The following ENTREP2 variants were observed in gnomAD, a reference collection of about 807,000 sequenced individuals.
ENTREP2 encodes the protein endosomal transmembrane epsin interactor 2.
chr15:29,126,394 G>A, the ENTREP2 span: 14 of 1,547,468 alleles, frequency 9.0e-6, no homozygotes, highest in Middle Eastern at 9.1e-4. Flanking sequence ...GGGCAGGTTC[G>A]GAGGGTGCTG....
At chr15:29,359,140 T>C in the ENTREP2 span, among the ~76,000 whole-genome samples, 1 of 152,144 alleles carries the variant, frequency 6.6e-6, no homozygotes, top group African/African-American at 2.4e-5. Context: ...GCAGTGAATA[T>C]GAACATGAAT....
the ENTREP2 span, among the ~76,000 whole-genome samples, chr15:29,245,360 C>T: frequency 4.0e-5 from 6 of 151,788 alleles, no homozygotes; most frequent in South Asian, 4.2e-4. Flanking sequence ...AAATAAAACC[C>T]GAAAATACTG....
chr15:29,489,744 A>T, the ENTREP2 span, among the ~76,000 whole-genome samples: 2 of 152,184 alleles, frequency 1.3e-5, no homozygotes, highest in Non-Finnish European at 2.9e-5. Context: ...CTCTAGGTGA[A>T]CACGCCCCTG....
chr15:29,216,703 TTCC>T, the ENTREP2 span, among the ~76,000 whole-genome samples: 4 of 152,222 alleles, frequency 2.6e-5, no homozygotes, highest in African/African-American at 4.8e-5. Context: ...AGCTTTCTTC[TTCC>T]TATTGACTCA....
chr15:29,364,537 G>A, the ENTREP2 span, among the ~76,000 whole-genome samples: 4 of 152,258 alleles, frequency 2.6e-5, no homozygotes, highest in East Asian at 3.9e-4. Flanking sequence ...GCTCTCTTGC[G>A]GTAAAACGCT....
the ENTREP2 span, among the ~76,000 whole-genome samples, chr15:29,320,224 A>C: frequency 6.6e-6 from 1 of 152,150 alleles, no homozygotes; most frequent in Non-Finnish European, 1.5e-5. Context: ...TTCCCACCAC[A>C]GCAACAGGGC....
chr15:29,507,154 C>T, the ENTREP2 span, among the ~76,000 whole-genome samples: 8 of 152,178 alleles, frequency 5.3e-5, no homozygotes, highest in African/African-American at 1.9e-4. Context: ...TCAAAAAAGA[C>T]AAACAAGAGG....
the ENTREP2 span, among the ~76,000 whole-genome samples, chr15:29,119,119 AGACG>A: frequency 6.6e-6 from 1 of 152,178 alleles, no homozygotes; most frequent in East Asian, 1.9e-4. Context: ...CATATAAAAG[AGACG>A]GCCTTTCAAG....
At chr15:29,327,768 T>C in the ENTREP2 span, among the ~76,000 whole-genome samples, 1 of 152,132 alleles carries the variant, frequency 6.6e-6, no homozygotes, top group Non-Finnish European at 1.5e-5. Flanking sequence ...AATCCAAAAA[T>C]GGACAGTATT....
chr15:29,268,635 TAAA>T, the ENTREP2 span: 1 of 633,276 alleles, frequency 1.6e-6, no homozygotes, highest in South Asian at 3.8e-5. Flanking sequence ...AACACAACAT[TAAA>T]AAAACAAAAC....
chr15:29,185,853 C>T, the ENTREP2 span, among the ~76,000 whole-genome samples: 1 of 152,206 alleles, frequency 6.6e-6, no homozygotes, highest in Admixed American at 6.5e-5. Context: ...TGAGCCACCA[C>T]GGTCTCTTTA....
At chr15:29,578,690 C>T in the ENTREP2 span, among the ~76,000 whole-genome samples, 1 of 152,210 alleles carries the variant, frequency 6.6e-6, no homozygotes, top group Non-Finnish European at 1.5e-5. Context: ...ATTCCGTTAG[C>T]AGTAAGTTCC....
the ENTREP2 span, among the ~76,000 whole-genome samples, chr15:29,400,133 C>A: frequency 6.6e-6 from 1 of 152,308 alleles, no homozygotes; most frequent in Non-Finnish European, 1.5e-5. Flanking sequence ...TGTGCCCGTG[C>A]ACATATGTGA....
At chr15:29,656,966 T>C in the ENTREP2 span, among the ~76,000 whole-genome samples, 51 of 152,134 alleles carry the variant, frequency 3.4e-4, no homozygotes, top group Non-Finnish European at 5.9e-4. Context: ...ACCTTGTGAT[T>C]ATGTGTCTGC....
the ENTREP2 span, chr15:29,128,770 C>G: frequency 6.5e-7 from 1 of 1,546,230 alleles, no homozygotes; most frequent in East Asian, 2.4e-5. Flanking sequence ...ACTTCAGGAG[C>G]TGAAAGAGGT....
the ENTREP2 span, among the ~76,000 whole-genome samples, chr15:29,312,345 A>G: frequency 6.6e-6 from 1 of 151,872 alleles, no homozygotes; most frequent in African/African-American, 2.4e-5. Context: ...AAAAAAAAAA[A>G]AGAAAGAAAA....
chr15:29,544,162 C>T, the ENTREP2 span, among the ~76,000 whole-genome samples: 2 of 152,064 alleles, frequency 1.3e-5, no homozygotes, highest in African/African-American at 4.8e-5. Flanking sequence ...AATACAGTAA[C>T]ACTGCAGAAG....
At chr15:29,193,532 C>T in the ENTREP2 span, among the ~76,000 whole-genome samples, 9 of 152,226 alleles carry the variant, frequency 5.9e-5, no homozygotes, top group South Asian at 8.3e-4. Flanking sequence ...GGTTCTGAGG[C>T]CTTTTGACTT....
chr15:29,444,436 G>C, the ENTREP2 span, among the ~76,000 whole-genome samples: 3 of 151,536 alleles, frequency 2.0e-5, no homozygotes, highest in Admixed American at 6.6e-5. Flanking sequence ...GGCATAGTGA[G>C]TCTGGGGTCC....
Sources: allele counts gnomAD v4.1 joint callset (sites outside exome capture counted in the v4.1 genomes callset), GRCh38; gene constraint gnomAD v4.1.1; transcripts MANE v1.5; gene names NCBI Gene and HGNC (gene_info 2026-07-23, HGNC 2026-07-21).